Variants in CPVL observed in about 807,000 individuals in gnomAD.
CPVL encodes carboxypeptidase vitellogenic like, also known as probable serine carboxypeptidase CPVL.
In CPVL, 51 loss-of-function variants were observed where a neutral mutation model predicts 63.7. That is an observed-to-expected ratio of 0.80 (90% CI 0.64 to 1.01). CPVL has a LOEUF of 1.01. Ranked by LOEUF, CPVL falls within the 50% of genes least tolerant of loss-of-function variation. The pLI is 0.00. For synonymous variants in CPVL, 195 were observed against 206.0 expected (o/e 0.95, Z 0.46); for missense variants, 530 against 573.1 (o/e 0.92, Z 0.77).
intron 4 of CPVL, 24 bp downstream of exon 4, chr7:29,096,079 A>T (rs1242682541): frequency 6.4e-7 from 1 of 1,560,134 alleles, no homozygotes; most frequent in Non-Finnish European, 8.8e-7. Flanking sequence ...ATTCTATAGG[A>T]AATACAGTGC....
intron 5 of CPVL, among the ~76,000 whole-genome samples, chr7:29,155,549 G>T (rs1794245458): frequency 6.6e-6 from 1 of 152,192 alleles, no homozygotes; most frequent in African/African-American, 2.4e-5. Flanking sequence ...GCTACTGAGT[G>T]TCAGAACTGG....
At chr7:29,141,250 A>G (rs984420039) in intron 1 of CPVL, among the ~76,000 whole-genome samples, 3 of 152,206 alleles carry the variant, frequency 2.0e-5, no homozygotes, top group African/African-American at 7.2e-5. Flanking sequence ...ATAGCATGAA[A>G]GATTTAAAGT....
At chr7:29,117,441 T>C (rs564999555) in intron 2 of CPVL, among the ~76,000 whole-genome samples, 1 of 152,362 alleles carries the variant, frequency 6.6e-6, no homozygotes, top group Non-Finnish European at 1.5e-5. Flanking sequence ...GCTGTTTCTC[T>C]CATTTGGTAC....
intron 1 of CPVL, among the ~76,000 whole-genome samples, chr7:29,123,628 A>AAAAAAAAAATAT (rs1562780901): frequency 2.4e-5 from 1 of 41,752 alleles, no homozygotes; most frequent in Non-Finnish European, 3.9e-5. Context: ...AAAAAAAAAA[A>AAAAAAAAAATAT]ATATATATAT....
At chr7:29,003,153 T>TTCACACAC (rs1562717639) in intron 12 of CPVL, among the ~76,000 whole-genome samples, 1 of 93,896 alleles carries the variant, frequency 1.1e-5, no homozygotes, top group Non-Finnish European at 2.1e-5. Context: ...TATGTGTATG[T>TTCACACAC]GCACACACAC....
rs1199166521 is a variant in CPVL at position 29,179,701 on chromosome 7, C to G, written c.-11+1589G>C. Among the ~76,000 whole-genome samples, 4 of 152,230 alleles carry G rather than the reference C, an allele frequency of 2.6e-5. No individual in the cohort carries two copies. The East Asian group carries it at 7.7e-4, about 29-fold the overall frequency. On this transcript the variant is annotated intron_variant, in intron 5 of 16. Coordinates refer to the CPVL transcript ENST00000409850. The stretch of plus-strand genomic sequence containing the variant: ...TCAATAATTACCAGGTTTTTTATTT[C>G]TCAAATTACAAAATACTTAATAGCT...
At chr7:29,163,391 A>T (rs959375838) in intron 5 of CPVL, among the ~76,000 whole-genome samples, 14 of 152,248 alleles carry the variant, frequency 9.2e-5, no homozygotes, top group South Asian at 4.1e-4. Flanking sequence ...AAAAATGTTT[A>T]AAAATGTGTC....
At chr7:29,061,206 G>C (rs903880641) in intron 11 of CPVL, among the ~76,000 whole-genome samples, 1 of 152,026 alleles carries the variant, frequency 6.6e-6, no homozygotes, top group Non-Finnish European at 1.5e-5. Context: ...TCAGGAGTTT[G>C]AAATCAGCCT....
At chr7:29,191,912 C>T (rs1231531960) in intron 1 of CPVL, 3 of 152,244 alleles carry the variant, frequency 2.0e-5, no homozygotes, top group Admixed American at 6.5e-5. Flanking sequence ...TGATAACTTA[C>T]TGATACTAAA....
At chr7:29,160,435 A>G (rs901489975) in intron 5 of CPVL, among the ~76,000 whole-genome samples, 1 of 152,092 alleles carries the variant, frequency 6.6e-6, no homozygotes, top group Non-Finnish European at 1.5e-5. Flanking sequence ...GCAATAATGT[A>G]CCCAGGAGTT....
rs2128641128 is a variant in CPVL, at chr7:29,120,981, T to C, written c.81A>G (p.Leu27=). ...TAGGTGGCATGGAAACACTTCTGTA[T>C]AGGGAGCGAAACAGCCCATCACAGG... ...PGPCDGLFRS[L]YRSVSMPPKG... is the part of the protein sequence containing the mutation. The change falls in exon 2 of 13, where the codon CTA becomes CTG. Residue 27 remains leucine (L), a synonymous_variant. Transcript: ENST00000265394. 1 of 1,613,910 alleles carries C rather than the reference T, an allele frequency of 6.2e-7. No homozygotes were observed. The highest frequency in any genetic ancestry group is 8.5e-7 in the Non-Finnish European group (1 of 1,179,928).
At chr7:29,174,353 T>C (rs73306215) in intron 5 of CPVL, among the ~76,000 whole-genome samples, 18,968 of 152,104 alleles carry the variant, frequency 0.12, 1,413 homozygotes, top group African/African-American at 0.2. Flanking sequence ...GAAGCAAAAG[T>C]CATCAGTCCC....
intron 11 of CPVL, among the ~76,000 whole-genome samples, chr7:29,038,127 GTGT>G (rs1323941627): frequency 5.3e-5 from 8 of 152,232 alleles, no homozygotes; most frequent in African/African-American, 1.4e-4. Context: ...AGTCCAAATG[GTGT>G]TGTTGTAACT....
intron 12 of CPVL, chr7:28,996,281 A>G (rs979328643): frequency 6.3e-6 from 1 of 159,696 alleles, no homozygotes; most frequent in African/African-American, 2.4e-5. Context: ...AATGGGGTGG[A>G]TTGTCTACTT....
At position 29,030,817 on chromosome 7, in the gene CPVL, C is replaced by T. The variant is rs75815984; in HGVS notation, c.1138-58G>A. On this transcript the variant is annotated intron_variant, in intron 11 of 12. Transcript: ENST00000265394. ...GATTCAGGAGGTGAAGCTCATGAAT[C>T]GAGCTAGGTATAAATAGTGAGCCAG... The T allele has an allele frequency of 9.1e-3, 13,258 of 1,458,480 alleles. 87 individuals are homozygous for T. Among genetic ancestry groups the T allele is most frequent in the Non-Finnish European group, 0.01 (10,843 of 1,073,344 alleles). 90.3% of individuals were successfully genotyped at this position (1,458,480 alleles called of 1,614,324 possible).
intron 1 of CPVL, among the ~76,000 whole-genome samples, chr7:29,124,740 A>G (rs1467745569): frequency 6.6e-6 from 1 of 152,142 alleles, no homozygotes. Flanking sequence ...GGTAAAGAAA[A>G]GCAGGATATT....
chr7:29,184,966 C>T (rs1160680255), intron 3 of CPVL, among the ~76,000 whole-genome samples: 2 of 152,194 alleles, frequency 1.3e-5, no homozygotes, highest in Non-Finnish European at 2.9e-5. Flanking sequence ...CTCTCTGTTG[C>T]TGCCACCATT....
intron 1 of CPVL, among the ~76,000 whole-genome samples, chr7:29,139,495 GTAAGACAACC>G (rs1323167959): frequency 7.1e-6 from 1 of 140,564 alleles, no homozygotes; most frequent in Admixed American, 7.0e-5. Context: ...GTCAGTGTTC[GTAAGACAACC>G]TAAGAAACCT....
intron 7 of CPVL, among the ~76,000 whole-genome samples, chr7:29,084,526 T>A (rs1210721769): frequency 2.6e-5 from 4 of 152,238 alleles, no homozygotes; most frequent in African/African-American, 7.2e-5. Context: ...TATCACTGCC[T>A]ACCTCTCTAG....
Sources: gnomAD v4.1 joint callset for allele counts (sites outside exome capture counted in the v4.1 genomes callset) on GRCh38, gnomAD v4.1.1 for gene constraint, MANE v1.5 for transcripts, NCBI Gene and HGNC (gene_info 2026-07-23, HGNC 2026-07-21) for gene names.